The following ZDHHC14 variants were observed in gnomAD, a reference collection of about 807,000 sequenced individuals.
ZDHHC14 encodes zDHHC palmitoyltransferase 14, also known as palmitoyltransferase ZDHHC14.
Under a neutral mutation model 47.7 loss-of-function variants are expected in ZDHHC14, and 16 were observed. That is an observed-to-expected ratio of 0.34 (90% CI 0.23 to 0.51). The LOEUF (loss-of-function observed/expected upper bound fraction) is 0.51. Among genes scored for constraint, ZDHHC14 ranks in the 20% least tolerant of loss-of-function variants. ZDHHC14 has a pLI of 0.97. For missense variants in ZDHHC14, 515 were observed against 662.5 expected (o/e 0.78, Z 2.44); for synonymous variants, 293 against 278.9 (o/e 1.05, Z -0.50).
At chr6:157,541,412 G>T (rs1388244560) in intron 1 of ZDHHC14, among the ~76,000 whole-genome samples, 7 of 152,158 alleles carry the variant, frequency 4.6e-5, no homozygotes, top group Non-Finnish European at 1.0e-4. Context: ...GCAGTGGGGT[G>T]CTGGTTCCCA....
intron 1 of ZDHHC14, among the ~76,000 whole-genome samples, chr6:157,457,915 C>G (rs1447508396): frequency 1.3e-5 from 2 of 152,138 alleles, no homozygotes; most frequent in Non-Finnish European, 2.9e-5. Context: ...TGCCCCAGGG[C>G]CAAGGAGGAG....
chr6:157,538,133 G>C (rs537425646), intron 1 of ZDHHC14, among the ~76,000 whole-genome samples: 8 of 152,220 alleles, frequency 5.3e-5, no homozygotes, highest in South Asian at 2.1e-4. Flanking sequence ...GTCACACACA[G>C]AGGCTGGTGG....
chr6:157,529,930 A>G (rs777375188), intron 1 of ZDHHC14, among the ~76,000 whole-genome samples: 1 of 152,340 alleles, frequency 6.6e-6, no homozygotes, highest in Non-Finnish European at 1.5e-5. Context: ...AAGTCTTATC[A>G]GTCAAATTAA....
chr6:157,517,361 C>T (rs535653031), intron 1 of ZDHHC14, among the ~76,000 whole-genome samples: 14 of 151,840 alleles, frequency 9.2e-5, no homozygotes, highest in African/African-American at 3.4e-4. Context: ...GTCAGCCAGG[C>T]TGGAGTGCAG....
Position 157,674,470 on chromosome 6 carries a change from C to G in ZDHHC14, c.*1348C>G, listed in dbSNP as rs1402659503. The G allele has an allele frequency of 6.6e-6, 1 of 152,236 alleles. No homozygotes were observed. Among genetic ancestry groups the G allele is most frequent in the Non-Finnish European group, 1.5e-5 (1 of 68,042 alleles). 9.4% of individuals were successfully genotyped at this position (152,236 alleles called of 1,614,324 possible). A position where few individuals can be genotyped will look rare whatever the true frequency, so the allele number is the denominator to read the frequency against. On this transcript the variant is annotated 3_prime_UTR_variant, in exon 9 of 9. Coordinates refer to ENST00000359775, the MANE Select transcript of ZDHHC14 (RefSeq NM_024630.3). ...TCACCTAGAAGGGAACGAACTGGCTCTGGACTTAGGGAGTGTGTCACTATG... is the reference window on the plus strand; with the variant it reads ...TCACCTAGAAGGGAACGAACTGGCTGTGGACTTAGGGAGTGTGTCACTATG...
intron 1 of ZDHHC14, among the ~76,000 whole-genome samples, chr6:157,438,035 A>G (rs1288058346): frequency 3.9e-5 from 6 of 152,190 alleles, no homozygotes; most frequent in Non-Finnish European, 7.4e-5. Context: ...TAAAATATAC[A>G]TAACATAAAA....
intron 1 of ZDHHC14, among the ~76,000 whole-genome samples, chr6:157,532,798 C>T (rs1781409457): frequency 6.6e-6 from 1 of 152,138 alleles, no homozygotes; most frequent in Admixed American, 6.5e-5. Flanking sequence ...AGCTTCAGCC[C>T]GCTGAGGTTT....
rs113078352 is a variant in ZDHHC14, at chr6:157,528,843, T to TG, written c.246-13737dup. 8.6e-3 allele frequency among the ~76,000 whole-genome samples: 1,248 copies of TG among 145,470 alleles called. 15 individuals carry two copies. Among genetic ancestry groups the TG allele is most frequent in the Non-Finnish European group, 0.014 (953 of 66,436 alleles). On this transcript the variant is annotated intron_variant, in intron 1 of 8. Coordinates refer to ENST00000359775, the MANE Select transcript of ZDHHC14 (RefSeq NM_024630.3). ...TAAAAAAGCACAATTAGATGAAGAC[T>TG]GGGGGTGGGAGTGGGCATTAATTAA...
intron 1 of ZDHHC14, among the ~76,000 whole-genome samples, chr6:157,497,841 C>G (rs935253602): frequency 1.3e-5 from 2 of 152,202 alleles, no homozygotes; most frequent in African/African-American, 4.8e-5. Context: ...CCAATTTCTA[C>G]CATCCTGATC....
intron 1 of ZDHHC14, among the ~76,000 whole-genome samples, chr6:157,413,452 T>C (rs1028202215): frequency 6.6e-6 from 1 of 152,232 alleles, no homozygotes; most frequent in Admixed American, 6.5e-5. Context: ...AAGACGTCAC[T>C]GCCTTAGTTT....
intron 7 of ZDHHC14, among the ~76,000 whole-genome samples, chr6:157,651,864 G>A (rs663966): frequency 0.32 from 48,506 of 151,946 alleles, 8,318 homozygotes; most frequent in Non-Finnish European, 0.4. Flanking sequence ...GAGCCACTGC[G>A]CCCGGTCCCT....
At chr6:157,642,964 A>G (rs1777330162) in intron 5 of ZDHHC14, among the ~76,000 whole-genome samples, 1 of 152,260 alleles carries the variant, frequency 6.6e-6, no homozygotes, top group Non-Finnish European at 1.5e-5. Flanking sequence ...GGCAAGAATT[A>G]GGAAGGGGAC....
In ZDHHC14 at chr6:157,649,924, G is replaced by A. The variant is rs369728067; in HGVS notation, c.965+2556G>A. Among the ~76,000 whole-genome samples, 3 of 152,332 alleles carry A rather than the reference G, an allele frequency of 2.0e-5. No homozygotes were observed. In the East Asian group the frequency reaches 5.8e-4, roughly 29 times the overall value. On this transcript the variant is annotated intron_variant, in intron 7 of 8. Coordinates refer to ENST00000359775, the MANE Select transcript of ZDHHC14 (RefSeq NM_024630.3). ...CACCATTGACTGCCCATGTGCGGTG[G>A]AGCCAGTTCCGTGCCAGGCGCTGGG...
intron 2 of ZDHHC14, 102 bp downstream of exon 2, chr6:157,542,847 G>A: frequency 7.1e-7 from 1 of 1,403,486 alleles, no homozygotes; most frequent in East Asian, 2.5e-5. Flanking sequence ...GCTGAGCGCT[G>A]GGAAGGAAGG....
chr6:157,460,156 T>C (rs1051307711), intron 1 of ZDHHC14, among the ~76,000 whole-genome samples: 8 of 151,034 alleles, frequency 5.3e-5, no homozygotes, highest in Admixed American at 4.0e-4. Context: ...TGAGCCGAGA[T>C]TGCGCCACTG....
chr6:157,381,922 C>T lies in ZDHHC14; in HGVS notation c.-100C>T. On this transcript the variant is annotated 5_prime_UTR_variant, in exon 1 of 9. Transcript: ENST00000359775. ...GTGTAGGGGCCGCGGCGCCGCGGCT[C>T]GGGGGGCGGCCGGGCGGCCGGCGGC... 1.0e-6 allele frequency: 1 copy of T among 956,484 alleles called. No homozygotes were observed. The highest frequency in any genetic ancestry group is 1.2e-6 in the Non-Finnish European group (1 of 810,348). The allele number at this position is 956,484 out of a possible 1,614,324, so 59.2% of individuals were successfully genotyped here.
chr6:157,434,380 G>T (rs1233182606), intron 1 of ZDHHC14, among the ~76,000 whole-genome samples: 1 of 151,968 alleles, frequency 6.6e-6, no homozygotes, highest in Non-Finnish European at 1.5e-5. Flanking sequence ...TAGGAGCTGG[G>T]CCTGTTCACA....
chr6:157,670,721 T>C (rs985772193), intron 8 of ZDHHC14, among the ~76,000 whole-genome samples: 2 of 152,132 alleles, frequency 1.3e-5, no homozygotes, highest in Non-Finnish European at 2.9e-5. Context: ...GCAATTGCAC[T>C]GTCCAGGCTA....
chr6:157,465,469 A>G (rs1041761430), intron 1 of ZDHHC14, among the ~76,000 whole-genome samples: 1 of 152,090 alleles, frequency 6.6e-6, no homozygotes, highest in Non-Finnish European at 1.5e-5. Context: ...CCCCCATAAC[A>G]ATGCATTCTC....
Sources: allele counts gnomAD v4.1 joint callset (sites outside exome capture counted in the v4.1 genomes callset), GRCh38; gene constraint gnomAD v4.1.1; transcripts MANE v1.5; gene names NCBI Gene and HGNC (gene_info 2026-07-23, HGNC 2026-07-21).